PCGF3: variants seen among roughly 807,000 people sequenced by gnomAD.
PCGF3 encodes the protein polycomb group ring finger 3.
Under a neutral mutation model 33.1 loss-of-function variants are expected in PCGF3, and 7 were observed. That is an observed-to-expected ratio of 0.21 (90% CI 0.12 to 0.40). The LOEUF (loss-of-function observed/expected upper bound fraction) is 0.40, where lower values mean the gene tolerates loss of function less well. PCGF3 is among the 10% of genes least tolerant of loss of function. The pLI is 1.00. For missense variants in PCGF3, 211 were observed against 313.3 expected (o/e 0.67, Z 2.46); for synonymous variants, 153 against 121.3 (o/e 1.26, Z -1.72).
At chr4:751,694 G>A (rs919388173) in intron 8 of PCGF3, among the ~76,000 whole-genome samples, 2 of 151,818 alleles carry the variant, frequency 1.3e-5, no homozygotes, top group African/African-American at 2.4e-5. Context: ...GCCCTCCCCC[G>A]GTGGCCCCTC....
chr4:743,706 C>A lies in PCGF3; in HGVS notation c.373+122C>A, dbSNP rs1040828931. 9.4e-6 allele frequency: 6 copies of A among 640,866 alleles called. No homozygotes were observed. In the African/African-American group the frequency reaches 1.1e-4, roughly 12 times the overall value. The allele number at this position is 640,866 out of a possible 1,614,324, so 39.7% of individuals were successfully genotyped here. A position where few individuals can be genotyped will look rare whatever the true frequency, so the allele number is the denominator to read the frequency against. ...CACTCACGGGAGAACGTGGGGGAAC[C>A]TGAGGGTGTGGGGCGGTTAGGGTTC... On this transcript the variant is annotated intron_variant, in intron 7 of 10. Transcript: ENST00000362003.
intron 8 of PCGF3, among the ~76,000 whole-genome samples, chr4:750,162 G>A (rs1327704693): frequency 6.6e-6 from 1 of 152,184 alleles, no homozygotes; most frequent in East Asian, 1.9e-4. Context: ...TGCTCCCTGC[G>A]GACTTTGATG....
At chr4:708,652 C>T (rs552607352) in intron 1 of PCGF3, among the ~76,000 whole-genome samples, 12 of 152,238 alleles carry the variant, frequency 7.9e-5, no homozygotes, top group Admixed American at 2.6e-4. Flanking sequence ...GGCTGCTGTC[C>T]TGTCCTTGCC....
rs1170597886 is a variant in PCGF3 at position 721,801 on chromosome 4, G to GAA, written c.-189-8828_-189-8827insAA. Reference sequence around the variant, plus strand: ...GGGTGGCTCTGTGTATGGGCATGGGGAGGGGCCTGTGGGAGGTGGGTGGAT... The same window carrying GAA: ...GGGTGGCTCTGTGTATGGGCATGGGGAAAGGGGCCTGTGGGAGGTGGGTGGAT... On this transcript the variant is annotated intron_variant, in intron 1 of 10. Transcript: ENST00000362003. This position sits in a 1 kb window ranked among gnomAD's most constrained non-coding sequence, Gnocchi z 4.1. 3.1e-4 allele frequency among the ~76,000 whole-genome samples: 39 copies of GAA among 124,186 alleles called. No individual in the cohort carries two copies. The highest frequency in any genetic ancestry group is 9.3e-4 in the African/African-American group (35 of 37,504). 81.5% of individuals were successfully genotyped at this position (124,186 alleles called of 152,430 possible).
At chr4:742,512 C>G (rs1048339480) in intron 6 of PCGF3, among the ~76,000 whole-genome samples, 11 of 152,208 alleles carry the variant, frequency 7.2e-5, no homozygotes, top group African/African-American at 2.7e-4. Context: ...TTTTTTCTAA[C>G]CTTTCTTTGC....
chr4:753,932 C>G (rs1744649607), intron 8 of PCGF3, among the ~76,000 whole-genome samples: 1 of 152,188 alleles, frequency 6.6e-6, no homozygotes. Flanking sequence ...AGACTCTGAC[C>G]TTCTACGAAC....
At chr4:735,918 G>A (rs1333126737) in intron 5 of PCGF3, among the ~76,000 whole-genome samples, 1 of 152,354 alleles carries the variant, frequency 6.6e-6, no homozygotes, top group Admixed American at 6.5e-5. Flanking sequence ...GTTCAGATTT[G>A]GGGGGTTGCT....
At chr4:726,296 C>T (rs1485765471) in intron 1 of PCGF3, among the ~76,000 whole-genome samples, 3 of 152,234 alleles carry the variant, frequency 2.0e-5, no homozygotes, top group Admixed American at 6.5e-5. Flanking sequence ...GGCTGGCAAA[C>T]CCTGTGAGGG....
At chr4:749,476 C>CTTTTTTTTTTTTTTTTTTTTT (rs71640348) in intron 8 of PCGF3, among the ~76,000 whole-genome samples, 20 of 75,482 alleles carry the variant, frequency 2.6e-4, no homozygotes, top group Non-Finnish European at 3.2e-4. Context: ...ATTTTCTTTC[C>CTTTTTTTTTTTTTTTTTTTTT]TTTTTTTTTT....
chr4:757,965 A>C (rs949148054), intron 8 of PCGF3, among the ~76,000 whole-genome samples: 1 of 151,994 alleles, frequency 6.6e-6, no homozygotes, highest in Non-Finnish European at 1.5e-5. Context: ...TCAGGAGATC[A>C]AGACCATTCT....
At chr4:727,509 G>A (rs1015901502) in intron 1 of PCGF3, among the ~76,000 whole-genome samples, 2 of 151,898 alleles carry the variant, frequency 1.3e-5, no homozygotes, top group African/African-American at 4.8e-5. Context: ...CAAAGTGCTG[G>A]GATTACAAGC....
intron 8 of PCGF3, among the ~76,000 whole-genome samples, chr4:752,004 C>G (rs754122113): frequency 6.6e-6 from 1 of 152,258 alleles, no homozygotes; most frequent in Non-Finnish European, 1.5e-5. Flanking sequence ...CTGAGCAACG[C>G]AAAAGCGTGT....
chr4:731,033 A>G (rs1743531558), exon 3 of PCGF3: 2 of 398,590 alleles, frequency 5.0e-6, no homozygotes, highest in Non-Finnish European at 8.9e-6. Context: ...CGGAGCCAGG[A>G]GGCAGCGTCG....
intron 9 of PCGF3, among the ~76,000 whole-genome samples, chr4:763,536 C>T (rs377276041): frequency 1.2e-3 from 178 of 152,312 alleles, no homozygotes; most frequent in African/African-American, 3.7e-3. Flanking sequence ...TGGCACCACG[C>T]GTACCCCATA....
exon 11 of PCGF3, chr4:766,256 A>G: frequency 1.7e-6 from 1 of 590,350 alleles, no homozygotes; most frequent in Non-Finnish European, 3.0e-6. Flanking sequence ...CACCACGTTT[A>G]CAGAGGATGA....
At chr4:765,788 C>T (rs62294077) in intron 10 of PCGF3, among the ~76,000 whole-genome samples, 12,159 of 152,144 alleles carry the variant, frequency 0.08, 576 homozygotes, top group South Asian at 0.14. Context: ...GTGGCCACCA[C>T]GGTGTGCACA....
intron 1 of PCGF3, among the ~76,000 whole-genome samples, chr4:707,258 C>T (rs917279166): frequency 2.0e-5 from 3 of 151,874 alleles, no homozygotes; most frequent in Admixed American, 6.6e-5. Context: ...GGAGGAGGGC[C>T]AGACGTAGGG....
At chr4:761,811 G>A (rs867983978) in intron 9 of PCGF3, 23 of 985,422 alleles carry the variant, frequency 2.3e-5, no homozygotes, top group Middle Eastern at 5.2e-4. Context: ...GGCATGAGGC[G>A]GCCTTGGCAG....
At chr4:732,590 C>G (rs1743646052) in intron 3 of PCGF3, 1 of 152,326 alleles carries the variant, frequency 6.6e-6, no homozygotes, top group African/African-American at 2.4e-5. Context: ...CAGCTCTCAG[C>G]TGCTTCGTGG....
Sources: gnomAD v4.1 joint callset for allele counts (sites outside exome capture counted in the v4.1 genomes callset) on GRCh38, gnomAD v4.1.1 for gene constraint, Gnocchi (gnomAD v3.1) non-coding constraint, MANE v1.5 for transcripts, NCBI Gene and HGNC (gene_info 2026-07-23, HGNC 2026-07-21) for gene names.